PTPRD: variants seen among roughly 807,000 people sequenced by gnomAD.
PTPRD encodes the protein receptor-type tyrosine-protein phosphatase delta.
In PTPRD, 34 loss-of-function variants were observed where a neutral mutation model predicts 214.5. The observed-to-expected ratio is 0.16, with a 90% confidence interval of 0.12 to 0.21. PTPRD has a LOEUF of 0.21. Among genes scored for constraint, PTPRD ranks in the 10% least tolerant of loss-of-function variants. The probability of loss-of-function intolerance (pLI) is 1.00; values close to 1 mark genes in which losing one functional copy is unlikely to be tolerated. For synonymous variants in PTPRD, 1,128 were observed against 845.7 expected (o/e 1.33, Z -5.79); for missense variants, 2,545 against 2,398.7 (o/e 1.06, Z -1.27).
intron 9 of PTPRD, among the ~76,000 whole-genome samples, chr9:9,275,152 A>G (rs1443462685): frequency 3.2e-5 from 2 of 63,272 alleles, no homozygotes; most frequent in East Asian, 6.2e-4. Context: ...TATATAATAT[A>G]TTATATATAT....
At chr9:9,675,583 A>G (rs2096913523) in intron 7 of PTPRD, among the ~76,000 whole-genome samples, 1 of 151,970 alleles carries the variant, frequency 6.6e-6, no homozygotes, top group African/African-American at 2.4e-5. Flanking sequence ...AGATTAAAAT[A>G]ACATTTTAAA....
intron 3 of PTPRD, among the ~76,000 whole-genome samples, chr9:10,232,939 A>T (rs751380985): frequency 4.0e-5 from 6 of 150,198 alleles, no homozygotes; most frequent in Non-Finnish European, 5.9e-5. Flanking sequence ...ATTCTTCCTC[A>T]CTATCATTTT....
At chr9:10,473,013 A>G (rs2099040990) in intron 2 of PTPRD, among the ~76,000 whole-genome samples, 2 of 152,164 alleles carry the variant, frequency 1.3e-5, no homozygotes, top group South Asian at 4.2e-4. Context: ...TTAAACATTA[A>G]GCTTATTTAA....
intron 9 of PTPRD, among the ~76,000 whole-genome samples, chr9:9,369,387 T>G (rs2058803418): frequency 6.6e-6 from 1 of 152,138 alleles, no homozygotes; most frequent in Non-Finnish European, 1.5e-5. Context: ...TCATGTGTTT[T>G]TTGGCTGCAT....
chr9:9,260,255 T>C (rs2099979499), intron 9 of PTPRD, among the ~76,000 whole-genome samples: 1 of 151,802 alleles, frequency 6.6e-6, no homozygotes, highest in Admixed American at 6.6e-5. Context: ...GCTAAAGCCC[T>C]GAACTTGAAA....
chr9:9,664,522 C>A (rs1468641797), intron 7 of PTPRD, among the ~76,000 whole-genome samples: 3 of 151,552 alleles, frequency 2.0e-5, no homozygotes, highest in Non-Finnish European at 3.0e-5. Flanking sequence ...ACAAGAGTTT[C>A]TAATTTAAGC....
intron 8 of PTPRD, among the ~76,000 whole-genome samples, chr9:9,487,095 A>G (rs1251635120): frequency 3.3e-5 from 5 of 152,180 alleles, no homozygotes; most frequent in Admixed American, 6.6e-5. Flanking sequence ...GTTTTAGGGT[A>G]CATTTGCACA....
intron 9 of PTPRD, among the ~76,000 whole-genome samples, chr9:9,301,239 G>A (rs1490701483): frequency 6.6e-6 from 1 of 151,830 alleles, no homozygotes; most frequent in African/African-American, 2.4e-5. Context: ...TTTTGAGGAT[G>A]CATTGAATTT....
intron 11 of PTPRD, among the ~76,000 whole-genome samples, chr9:8,780,724 C>T (rs1476148708): frequency 6.6e-6 from 1 of 152,134 alleles, no homozygotes; most frequent in Non-Finnish European, 1.5e-5. Context: ...ACCTTCAAGG[C>T]CAAGAAATAT....
At chr9:8,529,163 A>G (rs770940044) in intron 14 of PTPRD, among the ~76,000 whole-genome samples, 1 of 152,056 alleles carries the variant, frequency 6.6e-6, no homozygotes, top group Non-Finnish European at 1.5e-5. Context: ...GGAGAAGGAG[A>G]TTTTAGAAAG....
At chr9:9,534,377 T>A (rs2076103456) in intron 8 of PTPRD, among the ~76,000 whole-genome samples, 1 of 152,084 alleles carries the variant, frequency 6.6e-6, no homozygotes, top group African/African-American at 2.4e-5. Context: ...CTCATTTGGC[T>A]TTGTTTAGAG....
chr9:8,839,152 A>C (rs1217028344), intron 11 of PTPRD, among the ~76,000 whole-genome samples: 2 of 152,160 alleles, frequency 1.3e-5, no homozygotes, highest in Admixed American at 6.5e-5. Flanking sequence ...TTTAATTCAT[A>C]TAACAGAAAT....
At chr9:9,182,301 C>A (rs1410056471) in intron 10 of PTPRD, among the ~76,000 whole-genome samples, 1 of 151,996 alleles carries the variant, frequency 6.6e-6, no homozygotes, top group Non-Finnish European at 1.5e-5. Flanking sequence ...GATACATCAA[C>A]CCCAAAATAA....
intron 14 of PTPRD, among the ~76,000 whole-genome samples, chr9:8,599,412 T>G (rs1303955415): frequency 6.6e-6 from 1 of 152,098 alleles, no homozygotes; most frequent in African/African-American, 2.4e-5. Context: ...CAAAAGTCAT[T>G]GAAGCATCAG....
intron 5 of PTPRD, among the ~76,000 whole-genome samples, chr9:9,786,665 C>T (rs1007504388): frequency 1.3e-5 from 2 of 151,994 alleles, no homozygotes; most frequent in Non-Finnish European, 2.9e-5. Flanking sequence ...AATCGCCACA[C>T]TAATGTAAAT....
chr9:8,502,392 CGG>C (rs1163966314), intron 23 of PTPRD, among the ~76,000 whole-genome samples: 1 of 152,010 alleles, frequency 6.6e-6, no homozygotes. Context: ...CTTAACATTA[CGG>C]AGTGCCAGGT....
chr9:9,302,331 C>G (rs1044521658), intron 9 of PTPRD, among the ~76,000 whole-genome samples: 11 of 151,868 alleles, frequency 7.2e-5, no homozygotes, highest in African/African-American at 2.2e-4. Context: ...TATTGCATCC[C>G]TCTACCATGT....
At chr9:8,739,451 G>A (rs918201223) in intron 11 of PTPRD, among the ~76,000 whole-genome samples, 2 of 152,170 alleles carry the variant, frequency 1.3e-5, no homozygotes, top group Admixed American at 1.3e-4. Flanking sequence ...TGCGACTGAG[G>A]AAGTAAAGTT....
chr9:9,919,897 G>T (rs1479883628), intron 5 of PTPRD, among the ~76,000 whole-genome samples: 1 of 152,058 alleles, frequency 6.6e-6, no homozygotes, highest in Non-Finnish European at 1.5e-5. Flanking sequence ...TAGGACTTCA[G>T]GAATTACAGT....
Sources: gnomAD v4.1 joint callset for allele counts (sites outside exome capture counted in the v4.1 genomes callset) on GRCh38, gnomAD v4.1.1 for gene constraint, MANE v1.5 for transcripts, NCBI Gene and HGNC (gene_info 2026-07-23, HGNC 2026-07-21) for gene names.